The following TJP1 variants were observed in gnomAD, a reference collection of about 807,000 sequenced individuals.
The protein encoded by TJP1 is tight junction protein ZO-1.
In TJP1, 43 loss-of-function variants were observed where a neutral mutation model predicts 194.2. The observed-to-expected ratio is 0.22, with a 90% CI of 0.17 to 0.29. TJP1 has a LOEUF of 0.29. Among genes scored for constraint, TJP1 ranks in the 10% least tolerant of loss-of-function variants. TJP1 has a pLI of 1.00. For missense variants in TJP1, 1,971 were observed against 2,185.7 expected (o/e 0.90, Z 1.96); for synonymous variants, 801 against 779.0 (o/e 1.03, Z -0.47).
intron 2 of TJP1, among the ~76,000 whole-genome samples, chr15:29,838,064 C>T (rs7166786): frequency 0.79 from 120,882 of 152,214 alleles, 48,699 homozygotes; most frequent in East Asian, 0.96. Context: ...AAATTCATCA[C>T]ATAGGCTACA....
intron 2 of TJP1, among the ~76,000 whole-genome samples, chr15:29,865,125 G>A (rs993079504): frequency 1.3e-5 from 2 of 152,218 alleles, no homozygotes; most frequent in Admixed American, 1.3e-4. Flanking sequence ...TAAGCAATCC[G>A]TAACAGGACC....
chr15:29,902,880 A>G (rs1366684294), intron 2 of TJP1, among the ~76,000 whole-genome samples: 1 of 152,184 alleles, frequency 6.6e-6, no homozygotes, highest in African/African-American at 2.4e-5. Context: ...CTAAAAATAG[A>G]AAAATTAGCC....
At chr15:29,864,944 G>A (rs1177524241) in intron 2 of TJP1, among the ~76,000 whole-genome samples, 1 of 152,092 alleles carries the variant, frequency 6.6e-6, no homozygotes, top group Non-Finnish European at 1.5e-5. Context: ...CATATTTATT[G>A]ATAATAAAAG....
chr15:29,719,888 G>A lies in TJP1; in HGVS notation c.2892C>T (p.Ser964=). The A allele has an allele frequency of 1.2e-6, 2 of 1,614,054 alleles. No homozygotes were observed. Among genetic ancestry groups the A allele is most frequent in the Non-Finnish European group, 1.7e-6 (2 of 1,179,998 alleles). ...AATCAGCTTGTGGTGAGTAAGAGGT[G>A]GAAGGAGCTGGGGTGGGCTCCTCCA... The part of the protein sequence containing the change: ...VRLEEPTPAP[S]TSYSPQADSL... The change falls in exon 20 of 28, where the codon TCC becomes TCT. Residue 964 remains serine (S), a synonymous_variant. Transcript: ENST00000614355.
chr15:29,720,655 G>A lies in TJP1; in HGVS notation c.2466C>T (p.Tyr822=). 1 of 1,613,246 alleles carries A rather than the reference G, an allele frequency of 6.2e-7. No individual in the cohort carries two copies. The highest frequency in any genetic ancestry group is 8.5e-7 in the Non-Finnish European group (1 of 1,179,436). ...DLDLHDDRLS[Y]LSAPGSEYSM... is the part of the protein sequence containing the mutation. ...AGTATTCACTACCTGGAGCTGACAG[G>A]TAGGACAGACGATCATCATGCAAAT... Residue 822 remains tyrosine (Y), a synonymous_variant, in exon 19 of 28, where the codon TAC becomes TAT. Coordinates refer to ENST00000614355, the MANE Select transcript of TJP1 (RefSeq NM_001330239.4).
At chr15:29,931,703 C>G (rs1384044343) in intron 2 of TJP1, among the ~76,000 whole-genome samples, 1 of 152,172 alleles carries the variant, frequency 6.6e-6, no homozygotes, top group Admixed American at 6.5e-5. Flanking sequence ...AGTCCCGATC[C>G]AGACCCCAAG....
At chr15:29,950,027 ACCTT>A (rs2055623354) in intron 2 of TJP1, among the ~76,000 whole-genome samples, 5 of 67,146 alleles carry the variant, frequency 7.4e-5, no homozygotes, top group Non-Finnish European at 1.4e-4. Flanking sequence ...CTCCACCTCC[ACCTT>A]CACCACCACC....
intron 2 of TJP1, among the ~76,000 whole-genome samples, chr15:29,858,606 C>A (rs1433700589): frequency 6.6e-6 from 1 of 151,928 alleles, no homozygotes; most frequent in Non-Finnish European, 1.5e-5. Context: ...TACAGTGCCA[C>A]AATCACAGCT....
intron 1 of TJP1, among the ~76,000 whole-genome samples, chr15:29,812,349 A>T (rs1234614987): frequency 2.6e-5 from 4 of 152,224 alleles, no homozygotes; most frequent in Admixed American, 2.0e-4. Flanking sequence ...CAATAAAAAG[A>T]TATAAAAAAC....
chr15:29,903,562 A>G (rs982113885), intron 2 of TJP1, among the ~76,000 whole-genome samples: 4 of 151,828 alleles, frequency 2.6e-5, no homozygotes, highest in Non-Finnish European at 5.9e-5. Flanking sequence ...CTCCTGCCTC[A>G]GCCTCCCAAG....
intron 2 of TJP1, among the ~76,000 whole-genome samples, chr15:29,849,466 T>C (rs2051552423): frequency 6.7e-6 from 1 of 149,486 alleles, no homozygotes; most frequent in Non-Finnish European, 1.5e-5. Context: ...AGACCAGGCA[T>C]GGTGACTCAT....
intron 2 of TJP1, among the ~76,000 whole-genome samples, chr15:29,833,345 A>T (rs927745806): frequency 1.1e-4 from 17 of 152,210 alleles, no homozygotes; most frequent in Admixed American, 8.5e-4. Context: ...TTGTAAAAGA[A>T]AAATTCAAGA....
chr15:29,767,405 T>C (rs1405643361), intron 4 of TJP1, among the ~76,000 whole-genome samples: 1 of 152,170 alleles, frequency 6.6e-6, no homozygotes, highest in Non-Finnish European at 1.5e-5. Context: ...CACTATCTTA[T>C]TTCCAATTCC....
At position 29,733,283 on chromosome 15, in the gene TJP1, CCTA is replaced by C; in HGVS notation, c.1544_1546del (p.Val515del). 2 of 1,612,908 alleles carry C rather than the reference CCTA, an allele frequency of 1.2e-6. No homozygotes were observed. The highest frequency in any genetic ancestry group is 1.7e-6 in the Non-Finnish European group (2 of 1,179,204). ...ATGGGTTCTAATATAGAAAGAATCT[CCTA>C]CATCTGATTCTACAATGCGACGATA... is the stretch of plus-strand genomic sequence containing the variant. On this transcript the variant is annotated inframe_deletion, in exon 13 of 28. Transcript: ENST00000614355.
intron 2 of TJP1, among the ~76,000 whole-genome samples, chr15:29,840,703 GA>G (rs1407630659): frequency 2.0e-4 from 30 of 152,284 alleles, no homozygotes; most frequent in African/African-American, 7.0e-4. Context: ...TCAGCTTCTG[GA>G]AAGAGACCAG....
intron 2 of TJP1, among the ~76,000 whole-genome samples, chr15:29,784,033 A>G (rs1222228884): frequency 6.6e-6 from 1 of 152,184 alleles, no homozygotes; most frequent in Non-Finnish European, 1.5e-5. Context: ...GAACATTACA[A>G]ACACTAAAGA....
In TJP1 at chr15:29,965,186, CATTTATTTATTTATTTATTT is replaced by C. The variant is rs58512547; in HGVS notation, c.173+3461_173+3480del. Among the ~76,000 whole-genome samples, 18 of 148,290 alleles carry C rather than the reference CATTTATTTATTTATTTATTT, an allele frequency of 1.2e-4. No homozygotes were observed. The South Asian group carries it at 1.5e-3, about 13-fold the overall frequency. On this transcript the variant is annotated intron_variant, in intron 1 of 28. Coordinates refer to the TJP1 transcript ENST00000356107. ...GACCAGTTTTCATAATACATCCTCA[CATTTATTTATTTATTTATTT>C]ATTTATTTATTTATTTATTTTGAGA...
At chr15:29,924,180 T>A (rs2054454420) in intron 2 of TJP1, among the ~76,000 whole-genome samples, 1 of 152,100 alleles carries the variant, frequency 6.6e-6, no homozygotes, top group Admixed American at 6.6e-5. Flanking sequence ...GCTCAAATGA[T>A]CCTCCCACCT....
chr15:29,825,959 T>C (rs2050661755), upstream of TJP1, among the ~76,000 whole-genome samples: 2 of 152,314 alleles, frequency 1.3e-5, no homozygotes, highest in East Asian at 1.9e-4. Context: ...GTAAAAATTT[T>C]AAAACGATCT....
Sources: allele counts gnomAD v4.1 joint callset (sites outside exome capture counted in the v4.1 genomes callset), GRCh38; gene constraint gnomAD v4.1.1; transcripts MANE v1.5; gene names NCBI Gene and HGNC (gene_info 2026-07-23, HGNC 2026-07-21).